The following RPAIN variants were observed in gnomAD, a reference collection of about 807,000 sequenced individuals.
The protein encoded by RPAIN is RPA-interacting protein.
A neutral mutation model predicts 30.5 loss-of-function variants in RPAIN; 29 were observed. The observed-to-expected ratio is 0.95, with a 90% CI of 0.71 to 1.30. RPAIN has a LOEUF of 1.30. Ranked by LOEUF, RPAIN falls within the 50% of genes most tolerant of loss-of-function variation. RPAIN has a pLI of 0.00. For synonymous variants in RPAIN, 101 were observed against 93.5 expected, an observed-to-expected ratio of 1.08 and a Z score of -0.46; for missense variants, 247 against 264.7, an observed-to-expected ratio of 0.93 and a Z score of 0.46.
chr17:5,422,776 A>T lies in RPAIN; in HGVS notation c.260A>T (p.Glu87Val), dbSNP rs781557194. Reference sequence around the variant, plus strand: ...CGCTCCTTTCTCTTCCAGCTGGAGGAGCTGATAGACATGGCTGTGCTGGAG... The same window carrying T: ...CGCTCCTTTCTCTTCCAGCTGGAGGTGCTGATAGACATGGCTGTGCTGGAG... Reference protein sequence around the residue: ...NCPEDLAQLEELIDMAVLEEI... With the variant: ...NCPEDLAQLEVLIDMAVLEEI... Residue 87 changes from glutamate to valine, a missense_variant, in exon 3 of 7, where the codon GAG (glutamate) becomes GTG (valine). Transcript: ENST00000381209. 1 of 1,613,230 alleles carries T rather than the reference A, an allele frequency of 6.2e-7. No homozygotes were observed. Among genetic ancestry groups the T allele is most frequent in the South Asian group, 1.1e-5 (1 of 90,994 alleles).
chr17:5,424,795 C>T (rs935111335), intron 3 of RPAIN, among the ~76,000 whole-genome samples: 6 of 152,176 alleles, frequency 3.9e-5, no homozygotes, highest in Non-Finnish European at 7.3e-5. Context: ...CTGTTGCTGT[C>T]GACTCTGGTT....
chr17:5,425,582 T>C (rs1915308725), intron 3 of RPAIN: 1 of 350,412 alleles, frequency 2.9e-6, no homozygotes, highest in African/African-American at 2.1e-5. Flanking sequence ...GTGATCTGCC[T>C]GCCTCAGCCT....
intron 6 of RPAIN, chr17:5,430,121 T>TTACGCCACTGCTCTC (rs1368441590): frequency 2.0e-5 from 3 of 151,956 alleles, no homozygotes; most frequent in Non-Finnish European, 4.4e-5. Context: ...TGAGCTGAGA[T>TTACGCCACTGCTCTC]CGTGCTGCTG....
intron 3 of RPAIN, among the ~76,000 whole-genome samples, chr17:5,423,326 A>T (rs1383566166): frequency 6.6e-6 from 1 of 151,278 alleles, no homozygotes; most frequent in Non-Finnish European, 1.5e-5. Flanking sequence ...GGGCAACATA[A>T]CAAGATCCTG....
At chr17:5,425,910 A>G in intron 3 of RPAIN, 61 bp from the exon 4 acceptor site, 1 of 1,098,520 alleles carries the variant, frequency 9.1e-7, no homozygotes, top group Non-Finnish European at 1.4e-6. Flanking sequence ...AGTGAAGTTT[A>G]GAATTAAATA....
intron 6 of RPAIN, chr17:5,429,779 A>G: frequency 1.0e-6 from 1 of 983,616 alleles, no homozygotes. Context: ...AATGACTTTG[A>G]CTCCTCCCAC....
chr17:5,420,317 C>T (rs754626740), intron 1 of RPAIN, 26 bp downstream of exon 1: 13 of 1,599,726 alleles, frequency 8.1e-6, no homozygotes, highest in South Asian at 2.2e-5. Flanking sequence ...GTGCAGTGGT[C>T]TACCCTAGAT....
intron 4 of RPAIN, 39 bp from the exon 5 acceptor site, chr17:5,426,197 G>T (rs1454772616): frequency 6.2e-7 from 1 of 1,603,838 alleles, no homozygotes; most frequent in Admixed American, 1.7e-5. Context: ...ATCCAGGTCT[G>T]GTGGCCATGA....
chr17:5,420,604 T>TGTCTC (rs1914669504), intron 1 of RPAIN, among the ~76,000 whole-genome samples: 7 of 151,468 alleles, frequency 4.6e-5, no homozygotes, highest in Middle Eastern at 3.4e-3. Flanking sequence ...ACGTTCGTCT[T>TGTCTC]GTGAGATAGA....
intron 2 of RPAIN, 33 bp downstream of exon 2, chr17:5,421,499 G>A (rs1203252566): frequency 5.6e-6 from 9 of 1,603,188 alleles, no homozygotes; most frequent in Non-Finnish European, 7.7e-6. Context: ...CAGGGAGGGG[G>A]ACTGCACCAC....
chr17:5,423,991 A>AT (rs35718658), intron 3 of RPAIN, among the ~76,000 whole-genome samples: 3,426 of 134,582 alleles, frequency 0.025, 51 homozygotes, highest in Middle Eastern at 0.067. Context: ...TTATTTATGT[A>AT]TTTTTTTTTT....
intron 6 of RPAIN, chr17:5,429,351 A>G: frequency 1.0e-6 from 1 of 985,516 alleles, no homozygotes. Context: ...AAGGCAGAGA[A>G]GCAGGAAACT....
At chr17:5,427,181 G>A (rs1436977076) in intron 5 of RPAIN, 1 of 152,072 alleles carries the variant, frequency 6.6e-6, no homozygotes, top group Non-Finnish European at 1.5e-5. Context: ...TGTCACCCAG[G>A]CTGGAGTGCA....
intron 3 of RPAIN, among the ~76,000 whole-genome samples, chr17:5,423,821 C>T (rs1182613468): frequency 6.6e-6 from 1 of 151,042 alleles, no homozygotes; most frequent in Non-Finnish European, 1.5e-5. Context: ...GGCGTGATCA[C>T]GGCCCACTGC....
chr17:5,432,840 G>A lies in RPAIN; in HGVS notation c.*269G>A. 1.1e-6 allele frequency: 1 copy of A among 935,190 alleles called. No individual in the cohort carries two copies. The highest frequency in any genetic ancestry group is 2.1e-5 in the South Asian group (1 of 47,792). 57.9% of individuals were successfully genotyped at this position (935,190 alleles called of 1,614,324 possible). A position where few individuals can be genotyped will look rare whatever the true frequency, so the allele number is the denominator to read the frequency against. ...ACAAAAATCTAGAAATAATAGATTT[G>A]TACAGAAAAAAATGATAATAAATGA... On this transcript the variant is annotated 3_prime_UTR_variant, in exon 7 of 7. Coordinates refer to ENST00000381209, the MANE Select transcript of RPAIN (RefSeq NM_001033002.4).
chr17:5,428,882 C>T (rs1365680421), intron 6 of RPAIN: 5 of 985,770 alleles, frequency 5.1e-6, no homozygotes, highest in African/African-American at 1.7e-5. Flanking sequence ...GCACACTGTA[C>T]TTCAGGAAGT....
intron 6 of RPAIN, chr17:5,429,221 A>C (rs1036255227): frequency 1.2e-5 from 12 of 984,012 alleles, no homozygotes; most frequent in Middle Eastern, 5.2e-4. Context: ...CTTTATGGTG[A>C]CACCTTCCTG....
chr17:5,420,185 G>A lies in RPAIN; in HGVS notation c.-26G>A, dbSNP rs1321930732. On this transcript the variant is annotated 5_prime_UTR_variant, in exon 1 of 7. It adds an upstream start codon to the 5' untranslated region. Coordinates refer to ENST00000381209, the MANE Select transcript of RPAIN (RefSeq NM_001033002.4). ...TGCGCGCCTCCAGGGAACGGGTCTT[G>A]TGGCTTTGTCTCCCGCGAAGAGGAG... The A allele has an allele frequency of 2.5e-6, 4 of 1,612,388 alleles. No individual in the cohort carries two copies. The highest frequency in any genetic ancestry group is 3.4e-6 in the Non-Finnish European group (4 of 1,179,322).
chr17:5,425,954 C>T lies in RPAIN; in HGVS notation c.314-17C>T. On this transcript the variant is annotated splice_polypyrimidine_tract_variant and intron_variant, in intron 3 of 6. Coordinates refer to ENST00000381209, the MANE Select transcript of RPAIN (RefSeq NM_001033002.4). ...GCTGAAGCATGGTGAAGCCCTCCAA[C>T]TGCCTTTGCCTTGCAGAGCAGTCCA... The T allele has an allele frequency of 1.3e-6, 2 of 1,576,054 alleles. No homozygotes were observed. Among genetic ancestry groups the T allele is most frequent in the Non-Finnish European group, 1.7e-6 (2 of 1,146,634 alleles).
Sources: allele counts gnomAD v4.1 joint callset (sites outside exome capture counted in the v4.1 genomes callset), GRCh38; gene constraint gnomAD v4.1.1; transcripts MANE v1.5; gene names NCBI Gene and HGNC (gene_info 2026-07-23, HGNC 2026-07-21).